The following FBXO34 variants were observed in gnomAD, a reference collection of about 807,000 sequenced individuals.
FBXO34 encodes the protein F-box only protein 34.
Under a neutral mutation model 24.5 loss-of-function variants are expected in FBXO34, and 12 were observed. The ratio of observed to expected loss-of-function variants is 0.49; its 90% confidence interval spans 0.31 to 0.79. The LOEUF (loss-of-function observed/expected upper bound fraction) is 0.79. FBXO34 is among the 30% of genes least tolerant of loss of function. FBXO34 has a pLI of 0.04. For missense variants in FBXO34, 823 were observed against 857.7 expected, an observed-to-expected ratio of 0.96 and a Z score of 0.51; for synonymous variants, 320 against 311.9, an observed-to-expected ratio of 1.03 and a Z score of -0.27.
chr14:55,366,494 A>G (rs529138759), downstream of FBXO34: 1 of 152,782 alleles, frequency 6.5e-6, no homozygotes, highest in East Asian at 1.9e-4. Flanking sequence ...TTCCTGCAAC[A>G]TGATACTGTG....
chr14:55,343,835 G>C (rs1169174100), intron 1 of FBXO34, among the ~76,000 whole-genome samples: 1 of 152,188 alleles, frequency 6.6e-6, no homozygotes, highest in Non-Finnish European at 1.5e-5. Context: ...GTGGACAAGA[G>C]TTAGTATGAC....
At chr14:55,400,571 T>C in the FBXO34 span, among the ~76,000 whole-genome samples, 1 of 152,212 alleles carries the variant, frequency 6.6e-6, no homozygotes, top group Non-Finnish European at 1.5e-5. Context: ...AGTGCACTTT[T>C]ATAGGCTTTC....
chr14:55,395,952 T>C, the FBXO34 span: 1 of 1,595,636 alleles, frequency 6.3e-7, no homozygotes, highest in East Asian at 2.3e-5. Context: ...ACTGATCTGT[T>C]ATCCATTTTC....
the FBXO34 span, among the ~76,000 whole-genome samples, chr14:55,381,322 A>G: frequency 3.9e-5 from 6 of 152,332 alleles, no homozygotes; most frequent in African/African-American, 1.4e-4. Flanking sequence ...CAGGGGTTTT[A>G]AAGGGTTTTC....
intron 1 of FBXO34, among the ~76,000 whole-genome samples, chr14:55,323,189 A>C: frequency 3.5e-5 from 1 of 28,330 alleles, no homozygotes; most frequent in Non-Finnish European, 5.1e-5. Context: ...TGTCTCAAAA[A>C]AAAAAAAAAA....
At chr14:55,370,085 G>A (rs771368239), downstream of FBXO34, among the ~76,000 whole-genome samples, 3 of 152,162 alleles carry the variant, frequency 2.0e-5, no homozygotes, top group Admixed American at 1.3e-4. Context: ...ATATGATTGC[G>A]TTTTCCTTTA....
chr14:55,436,401 A>G, the FBXO34 span, among the ~76,000 whole-genome samples: 1,311 of 152,330 alleles, frequency 8.6e-3, 17 homozygotes, highest in African/African-American at 0.03. Flanking sequence ...ACAGATAATC[A>G]AACTGTCTAA....
chr14:55,325,908 G>C (rs1394472677), intron 1 of FBXO34: 1 of 152,202 alleles, frequency 6.6e-6, no homozygotes, highest in Admixed American at 6.5e-5. Context: ...CAAAACTATA[G>C]AATGCTTGAA....
At chr14:55,437,465 G>C in the FBXO34 span, among the ~76,000 whole-genome samples, 1 of 152,206 alleles carries the variant, frequency 6.6e-6, no homozygotes, top group Admixed American at 6.5e-5. Context: ...GTATCAGAGC[G>C]AGACTCCATC....
At chr14:55,362,989 T>C (rs1156575248), downstream of FBXO34, among the ~76,000 whole-genome samples, 2 of 151,150 alleles carry the variant, frequency 1.3e-5, no homozygotes, top group African/African-American at 4.9e-5. Flanking sequence ...GATCTAGAGG[T>C]ATCAATGCCA....
chr14:55,330,428 G>C (rs997078999), intron 1 of FBXO34, among the ~76,000 whole-genome samples: 4 of 151,934 alleles, frequency 2.6e-5, no homozygotes, highest in African/African-American at 7.3e-5. Context: ...TTCTTTTTGT[G>C]GGTTTTATTT....
chr14:55,395,400 T>C, the FBXO34 span, among the ~76,000 whole-genome samples: 34 of 152,380 alleles, frequency 2.2e-4, no homozygotes, highest in Admixed American at 1.6e-3. Flanking sequence ...TTGCCCAGGC[T>C]GGAGTGCTGT....
intron 1 of FBXO34, among the ~76,000 whole-genome samples, chr14:55,287,435 A>G (rs1881800250): frequency 6.6e-6 from 1 of 152,210 alleles, no homozygotes; most frequent in Non-Finnish European, 1.5e-5. Flanking sequence ...AAGTATAAGA[A>G]AAAAGTAAAA....
chr14:55,404,144 C>T, the FBXO34 span, among the ~76,000 whole-genome samples: 1 of 152,166 alleles, frequency 6.6e-6, no homozygotes, highest in Non-Finnish European at 1.5e-5. Context: ...CAAACAGGGT[C>T]TGATTATTAA....
chr14:55,413,878 G>C, the FBXO34 span: 1 of 444,276 alleles, frequency 2.3e-6, no homozygotes, highest in Non-Finnish European at 4.4e-6. Flanking sequence ...GACTCTTCCA[G>C]CTTTGCTGTG....
intron 1 of FBXO34, among the ~76,000 whole-genome samples, chr14:55,297,008 C>G (rs1882159148): frequency 6.6e-6 from 1 of 152,150 alleles, no homozygotes; most frequent in African/African-American, 2.4e-5. Flanking sequence ...AAATTAGAAT[C>G]TACAATTGTA....
chr14:55,380,493 G>T, the FBXO34 span: 3 of 903,356 alleles, frequency 3.3e-6, no homozygotes, highest in Non-Finnish European at 5.2e-6. Flanking sequence ...CTTATTTTTG[G>T]TTTATTGGAA....
chr14:55,294,617 A>C (rs1882058249), intron 1 of FBXO34, among the ~76,000 whole-genome samples: 1 of 152,262 alleles, frequency 6.6e-6, no homozygotes, highest in Non-Finnish European at 1.5e-5. Context: ...AAAATAGTTT[A>C]CATTTTAAAT....
chr14:55,397,146 G>A, the FBXO34 span, among the ~76,000 whole-genome samples: 1 of 152,142 alleles, frequency 6.6e-6, no homozygotes, highest in Non-Finnish European at 1.5e-5. Flanking sequence ...GATTCACTGA[G>A]TATCTACTGT....
Sources: allele counts gnomAD v4.1 joint callset (sites outside exome capture counted in the v4.1 genomes callset), GRCh38; gene constraint gnomAD v4.1.1; transcripts MANE v1.5; gene names NCBI Gene and HGNC (gene_info 2026-07-23, HGNC 2026-07-21).